The following SLC25A26 variants were observed in gnomAD, a reference collection of about 807,000 sequenced individuals.
SLC25A26 encodes mitochondrial S-adenosylmethionine carrier protein.
A neutral mutation model predicts 37.8 loss-of-function variants in SLC25A26; 36 were observed. The ratio of observed to expected loss-of-function variants is 0.95; its 90% CI spans 0.73 to 1.26. SLC25A26 has a LOEUF of 1.26. SLC25A26 is among the 50% of genes most tolerant of loss of function. The pLI, the probability that SLC25A26 is intolerant of heterozygous loss-of-function variation, is 0.00. For missense variants in SLC25A26, 390 were observed against 331.1 expected, an observed-to-expected ratio of 1.18 and a Z score of -1.38; for synonymous variants, 129 against 122.5, an observed-to-expected ratio of 1.05 and a Z score of -0.35.
intron 1 of SLC25A26, among the ~76,000 whole-genome samples, chr3:66,149,066 C>T (rs1335914420): frequency 2.0e-5 from 3 of 152,098 alleles, no homozygotes; most frequent in Admixed American, 1.3e-4. Context: ...CTGTGGGGTG[C>T]GGTGTGACTC....
chr3:66,152,924 T>A (rs908610745), intron 1 of SLC25A26, among the ~76,000 whole-genome samples: 5 of 152,218 alleles, frequency 3.3e-5, no homozygotes, highest in African/African-American at 1.2e-4. Flanking sequence ...TAGAATTACC[T>A]GGGAAATTTT....
chr3:66,299,227 T>G (rs1480729841), intron 5 of SLC25A26, among the ~76,000 whole-genome samples: 2 of 152,198 alleles, frequency 1.3e-5, no homozygotes, highest in African/African-American at 4.8e-5. Context: ...AGTTTCCCTC[T>G]GTCACCCAGG....
chr3:66,233,427 A>G (rs782139740), intron 1 of SLC25A26, among the ~76,000 whole-genome samples: 1 of 151,636 alleles, frequency 6.6e-6, no homozygotes, highest in Non-Finnish European at 1.5e-5. Flanking sequence ...ACTTTTCGGT[A>G]TAAGCTACCA....
intron 6 of SLC25A26, among the ~76,000 whole-genome samples, chr3:66,347,903 C>T (rs1419072506): frequency 6.6e-6 from 1 of 152,192 alleles, no homozygotes; most frequent in Non-Finnish European, 1.5e-5. Flanking sequence ...CATGTTCTCA[C>T]TTATAAGTGG....
At chr3:66,212,574 A>T (rs2071298543) in intron 1 of SLC25A26, among the ~76,000 whole-genome samples, 1 of 152,160 alleles carries the variant, frequency 6.6e-6, no homozygotes, top group Non-Finnish European at 1.5e-5. Flanking sequence ...CCCATGGATA[A>T]GGGGGATATA....
intron 1 of SLC25A26, among the ~76,000 whole-genome samples, chr3:66,172,174 G>C (rs1177087013): frequency 6.6e-6 from 1 of 152,110 alleles, no homozygotes; most frequent in Non-Finnish European, 1.5e-5. Flanking sequence ...ACTTTAGAAG[G>C]TGGAGGCAGG....
At chr3:66,165,882 C>A (rs2070418577) in intron 1 of SLC25A26, among the ~76,000 whole-genome samples, 1 of 152,032 alleles carries the variant, frequency 6.6e-6, no homozygotes, top group Non-Finnish European at 1.5e-5. Context: ...AGTGGTAATT[C>A]AGGACCAAGG....
intron 1 of SLC25A26, among the ~76,000 whole-genome samples, chr3:66,179,123 C>T (rs1295360607): frequency 6.6e-6 from 1 of 152,160 alleles, no homozygotes; most frequent in Non-Finnish European, 1.5e-5. Context: ...GAACATTTGT[C>T]ATATTTTTCT....
rs551331981 is a variant in SLC25A26, at chr3:66,371,819, C to T, written c.707+1217C>T. ...TAGCAGGTAAAAGGTGCTTAGGGGCCGGGTGCGGGGCTCACACCTGTAATC... is the reference window on the plus strand; with the variant it reads ...TAGCAGGTAAAAGGTGCTTAGGGGCTGGGTGCGGGGCTCACACCTGTAATC... On this transcript the variant is annotated intron_variant, in intron 9 of 9. Transcript: ENST00000354883. Among the ~76,000 whole-genome samples, 8 of 152,174 alleles carry T rather than the reference C, an allele frequency of 5.3e-5. No homozygotes were observed. The South Asian group carries it at 1.2e-3, about 24-fold the overall frequency.
chr3:66,303,512 A>G (rs1373217912), intron 5 of SLC25A26, among the ~76,000 whole-genome samples: 1 of 152,238 alleles, frequency 6.6e-6, no homozygotes, highest in Non-Finnish European at 1.5e-5. Context: ...GTCAGAAAAT[A>G]TTGTAGGACT....
chr3:66,284,875 A>G (rs187922800), intron 5 of SLC25A26, among the ~76,000 whole-genome samples: 74 of 152,348 alleles, frequency 4.9e-4, no homozygotes, highest in African/African-American at 7.7e-4. Context: ...TCATTGAGCT[A>G]TTTTGTTACC....
At chr3:66,272,217 C>G (rs1559640716) in intron 5 of SLC25A26, among the ~76,000 whole-genome samples, 1 of 152,054 alleles carries the variant, frequency 6.6e-6, no homozygotes, top group Non-Finnish European at 1.5e-5. Context: ...GAAACTAAAG[C>G]TTGGTAAGTT....
At chr3:66,178,325 C>G (rs533727683) in intron 1 of SLC25A26, among the ~76,000 whole-genome samples, 33 of 152,278 alleles carry the variant, frequency 2.2e-4, no homozygotes, top group Non-Finnish European at 4.0e-4. Flanking sequence ...AAGGGATAGT[C>G]TGAAGTGTGG....
chr3:66,141,116 C>T (rs1414599737), intron 1 of SLC25A26, among the ~76,000 whole-genome samples: 2 of 151,588 alleles, frequency 1.3e-5, no homozygotes, highest in African/African-American at 4.9e-5. Context: ...ATGAGGTAGA[C>T]AGATTGTATT....
intron 3 of SLC25A26, among the ~76,000 whole-genome samples, chr3:66,244,169 A>G (rs546941360): frequency 1.3e-5 from 2 of 152,314 alleles, no homozygotes; most frequent in South Asian, 4.1e-4. Context: ...ATGAAACCCT[A>G]ATACTAATTG....
At chr3:66,243,086 C>G in intron 2 of SLC25A26, 117 bp from the exon 3 acceptor site, 1 of 600,090 alleles carries the variant, frequency 1.7e-6, no homozygotes, top group Non-Finnish European at 3.0e-6. Flanking sequence ...GTGCTTATCA[C>G]CTTTTCTCTT....
chr3:66,142,284 G>A (rs2070046954), intron 1 of SLC25A26, among the ~76,000 whole-genome samples: 1 of 152,066 alleles, frequency 6.6e-6, no homozygotes, highest in Non-Finnish European at 1.5e-5. Context: ...TGTTTTTGAG[G>A]TTCATCCAGG....
intron 1 of SLC25A26, among the ~76,000 whole-genome samples, chr3:66,214,500 A>C (rs1470255361): frequency 6.6e-6 from 1 of 152,214 alleles, no homozygotes; most frequent in African/African-American, 2.4e-5. Flanking sequence ...TCTAGAAAAA[A>C]ATCCTTGCCT....
intron 3 of SLC25A26, among the ~76,000 whole-genome samples, chr3:66,257,748 A>C (rs1356340368): frequency 6.6e-6 from 1 of 152,090 alleles, no homozygotes. Context: ...GGCCCTCTTA[A>C]CTCTGAATCC....
Sources: gnomAD v4.1 joint callset for allele counts (sites outside exome capture counted in the v4.1 genomes callset) on GRCh38, gnomAD v4.1.1 for gene constraint, MANE v1.5 for transcripts, NCBI Gene and HGNC (gene_info 2026-07-23, HGNC 2026-07-21) for gene names.